NRXN3: variants seen among roughly 807,000 people sequenced by gnomAD.
NRXN3 encodes neurexin 3.
A neutral mutation model predicts 137.6 loss-of-function variants in NRXN3; 32 were observed. The ratio of observed to expected loss-of-function variants is 0.23; its 90% confidence interval spans 0.18 to 0.31. The LOEUF (loss-of-function observed/expected upper bound fraction) is 0.31, where lower values mean the gene tolerates loss of function less well. Among genes scored for constraint, NRXN3 ranks in the 10% least tolerant of loss-of-function variants. The pLI is 1.00. For synonymous variants in NRXN3, 798 were observed against 784.5 expected (o/e 1.02, Z -0.29); for missense variants, 1,574 against 2,062.5 (o/e 0.76, Z 4.59).
intron 15 of NRXN3, among the ~76,000 whole-genome samples, chr14:79,162,134 CT>C (rs1159616851): frequency 1.2e-3 from 177 of 145,748 alleles, no homozygotes; most frequent in Middle Eastern, 7.1e-3. Flanking sequence ...GTTAGCTTTT[CT>C]TTTTTTTTAA....
intron 15 of NRXN3, among the ~76,000 whole-genome samples, chr14:79,357,092 T>A (rs1024649742): frequency 1.3e-5 from 2 of 152,200 alleles, no homozygotes; most frequent in African/African-American, 4.8e-5. Context: ...CCTAATTGCA[T>A]GTGGCTGTGA....
At chr14:78,666,190 C>T (rs757050034) in intron 6 of NRXN3, among the ~76,000 whole-genome samples, 34 of 152,304 alleles carry the variant, frequency 2.2e-4, no homozygotes, top group South Asian at 8.3e-4. Context: ...TATATTCACA[C>T]GGTTGTACAC....
intron 15 of NRXN3, among the ~76,000 whole-genome samples, chr14:79,295,785 T>C (rs989381098): frequency 1.3e-5 from 2 of 152,204 alleles, no homozygotes; most frequent in Non-Finnish European, 2.9e-5. Flanking sequence ...GGTAGACTGC[T>C]ACTAATTTTT....
intron 2 of NRXN3, among the ~76,000 whole-genome samples, chr14:78,265,136 T>C (rs1366551789): frequency 2.6e-5 from 4 of 152,220 alleles, no homozygotes; most frequent in Admixed American, 2.0e-4. Context: ...ACACAAGCTT[T>C]TGGTGATAGG....
At chr14:78,965,876 T>C (rs2099416499) in intron 11 of NRXN3, 149 bp from the exon 12 acceptor site, 1 of 834,196 alleles carries the variant, frequency 1.2e-6, no homozygotes, top group Non-Finnish European at 1.9e-6. Flanking sequence ...GTAAGGTATC[T>C]ACCATATTGA....
At chr14:79,485,715 C>G (rs1387424123) in intron 16 of NRXN3, among the ~76,000 whole-genome samples, 2 of 152,198 alleles carry the variant, frequency 1.3e-5, no homozygotes, top group African/African-American at 4.8e-5. Flanking sequence ...AGAGTGAAAT[C>G]AAGGGAGAGG....
chr14:78,764,554 C>T (rs1019159198), intron 8 of NRXN3, among the ~76,000 whole-genome samples: 2 of 152,166 alleles, frequency 1.3e-5, no homozygotes, highest in African/African-American at 4.8e-5. Context: ...AATTCTCCCC[C>T]CACCACCTCT....
At chr14:79,039,501 G>A (rs1300315056) in intron 15 of NRXN3, among the ~76,000 whole-genome samples, 1 of 151,916 alleles carries the variant, frequency 6.6e-6, no homozygotes, top group Non-Finnish European at 1.5e-5. Flanking sequence ...GCAGCTTTTG[G>A]ACCCAATTAT....
At chr14:79,738,381 C>A (rs2098949536) in intron 19 of NRXN3, among the ~76,000 whole-genome samples, 1 of 149,884 alleles carries the variant, frequency 6.7e-6, no homozygotes, top group Non-Finnish European at 1.5e-5. Flanking sequence ...GAGGCAGATA[C>A]TGGAGTGAAG....
rs889248228 is a variant in NRXN3 at position 79,624,637 on chromosome 14, A to T, written c.3445-39141A>T. On this transcript the variant is annotated intron_variant, in intron 16 of 20. Transcript: ENST00000335750. ...AGTCTCTAGATATTCGTTCTACATA[A>T]TTGTAACTTTGTACCCTTTAACCTA... Among the ~76,000 whole-genome samples, 17 of 146,258 alleles carry T rather than the reference A, an allele frequency of 1.2e-4. 1 individual carries two copies. The South Asian group carries it at 3.7e-3, about 31-fold the overall frequency.
Position 78,714,741 on chromosome 14 carries a change from G to A in NRXN3, c.1661-15G>A, listed in dbSNP as rs1863031. 2,078 of 1,607,338 alleles carry A rather than the reference G, an allele frequency of 1.3e-3. 32 individuals carry two copies. The African/African-American group carries it at 0.024, about 19-fold the overall frequency. On this transcript the variant is annotated splice_polypyrimidine_tract_variant and intron_variant, in intron 7 of 20. Coordinates refer to ENST00000335750, the MANE Select transcript of NRXN3 (RefSeq NM_001330195.2). The stretch of plus-strand genomic sequence containing the variant: ...CAACTGGCAGACTCACCTGAGATCT[G>A]TCTTCCCACCCCAGGTACTATATCA...
intron 15 of NRXN3, among the ~76,000 whole-genome samples, chr14:79,156,710 T>A (rs963821448): frequency 1.4e-4 from 22 of 151,788 alleles, no homozygotes; most frequent in Non-Finnish European, 2.8e-4. Context: ...AATGAAAAAT[T>A]CCAGAAGTCT....
At chr14:79,260,171 C>T (rs866689163) in intron 15 of NRXN3, among the ~76,000 whole-genome samples, 5 of 152,118 alleles carry the variant, frequency 3.3e-5, no homozygotes, top group Non-Finnish European at 5.9e-5. Context: ...AGATGGGACT[C>T]ATGTTCTCTC....
chr14:79,017,194 C>A (rs141377821), intron 15 of NRXN3, among the ~76,000 whole-genome samples: 1 of 149,108 alleles, frequency 6.7e-6, no homozygotes, highest in African/African-American at 2.5e-5. Context: ...ATCCAATGAC[C>A]ACTGCCCTCC....
At chr14:79,560,504 C>CTGTTTTTTTTTTTTTT (rs2097481927) in intron 16 of NRXN3, among the ~76,000 whole-genome samples, 1 of 43,770 alleles carries the variant, frequency 2.3e-5, no homozygotes, top group Non-Finnish European at 4.0e-5. Flanking sequence ...AGATTGTAAG[C>CTGTTTTTTTTTTTTTT]TTTTTTTTTT....
chr14:78,919,549 A>G (rs1196427791), intron 10 of NRXN3, among the ~76,000 whole-genome samples: 1 of 152,218 alleles, frequency 6.6e-6, no homozygotes, highest in Non-Finnish European at 1.5e-5. Context: ...GATGGACACC[A>G]TAAATGACAG....
intron 8 of NRXN3, among the ~76,000 whole-genome samples, chr14:78,751,493 CTG>C (rs1295362134): frequency 1.3e-5 from 2 of 152,122 alleles, no homozygotes; most frequent in African/African-American, 4.8e-5. Context: ...TTCTTGGAGG[CTG>C]TGTCTCCTAT....
intron 15 of NRXN3, among the ~76,000 whole-genome samples, chr14:79,438,796 T>G (rs17109211): frequency 6.6e-6 from 1 of 152,368 alleles, no homozygotes; most frequent in Non-Finnish European, 1.5e-5. Flanking sequence ...TTTGTGCATA[T>G]GTAGATGGAA....
chr14:79,410,785 T>A (rs1192795570), intron 15 of NRXN3, among the ~76,000 whole-genome samples: 1 of 152,104 alleles, frequency 6.6e-6, no homozygotes, highest in Non-Finnish European at 1.5e-5. Context: ...CATTTATCAA[T>A]CCTTTGTTGA....
Sources: allele counts gnomAD v4.1 joint callset (sites outside exome capture counted in the v4.1 genomes callset), GRCh38; gene constraint gnomAD v4.1.1; transcripts MANE v1.5; gene names NCBI Gene and HGNC (gene_info 2026-07-23, HGNC 2026-07-21).